Variants in C3orf20 observed in about 807,000 individuals in gnomAD.
C3orf20 encodes family with sequence similarity 149 member C.
A neutral mutation model predicts 88.3 loss-of-function variants in C3orf20; 76 were observed. The observed-to-expected ratio is 0.86, with a 90% CI of 0.72 to 1.04. C3orf20 has a LOEUF of 1.04. C3orf20 is among the 50% of genes least tolerant of loss of function. The pLI is 0.00. For synonymous variants in C3orf20, 436 were observed against 437.4 expected (o/e 1.00, Z 0.04); for missense variants, 1,056 against 1,123.3 (o/e 0.94, Z 0.86).
In C3orf20 at chr3:14,772,922, C is replaced by A; in HGVS notation, c.*47C>A. 2 of 1,487,432 alleles carry A rather than the reference C, an allele frequency of 1.3e-6. No individual in the cohort carries two copies. The highest frequency in any genetic ancestry group is 1.9e-6 in the Non-Finnish European group (2 of 1,066,950). The allele number at this position is 1,487,432 out of a possible 1,614,324, so 92.1% of individuals were successfully genotyped here. A position where few individuals can be genotyped will look rare whatever the true frequency, so the allele number is the denominator to read the frequency against. ...GTGAGCCAGGCCCCGGCCCGGGGTGCTGGGGCTTCTTGCCAGCCCAGCCCT... is the reference window on the plus strand; with the variant it reads ...GTGAGCCAGGCCCCGGCCCGGGGTGATGGGGCTTCTTGCCAGCCCAGCCCT... On this transcript the variant is annotated 3_prime_UTR_variant, in exon 17 of 17. Transcript: ENST00000253697. The surrounding 1 kb of genome is among the most constrained non-coding windows in gnomAD (Gnocchi z 4.2).
chr3:14,770,406 C>T (rs1248627866), intron 15 of C3orf20, among the ~76,000 whole-genome samples: 1 of 152,160 alleles, frequency 6.6e-6, no homozygotes, highest in Non-Finnish European at 1.5e-5. Context: ...GGCTGTGTCT[C>T]CTCTTGTCTC....
intron 15 of C3orf20, among the ~76,000 whole-genome samples, chr3:14,770,231 T>C (rs1036393204): frequency 6.6e-6 from 1 of 152,192 alleles, no homozygotes; most frequent in Non-Finnish European, 1.5e-5. Context: ...AAGGGTCAGC[T>C]TAGTTTAGTG....
chr3:14,694,841 A>C (rs2032914689), intron 5 of C3orf20, among the ~76,000 whole-genome samples: 1 of 151,746 alleles, frequency 6.6e-6, no homozygotes, highest in Non-Finnish European at 1.5e-5. Flanking sequence ...CCCAGGCTGG[A>C]GTGCAGTGGT....
rs1575144215 is a variant in C3orf20 at position 14,741,727 on chromosome 3, G to T, written c.1940+13039G>T. 2.0e-5 allele frequency among the ~76,000 whole-genome samples: 3 copies of T among 152,214 alleles called. No individual in the cohort carries two copies. In the East Asian group the frequency reaches 5.8e-4, roughly 29 times the overall value. On this transcript the variant is annotated intron_variant, in intron 12 of 16. Transcript: ENST00000253697. ...CAGCTCTGGCGGTGTTACAGCTCTGGCAGTGTTACAGCTCTGTGACTGCTC... is the reference window on the plus strand; with the variant it reads ...CAGCTCTGGCGGTGTTACAGCTCTGTCAGTGTTACAGCTCTGTGACTGCTC...
chr3:14,722,026 A>G (rs778216058), intron 10 of C3orf20: 5 of 471,074 alleles, frequency 1.1e-5, no homozygotes, highest in African/African-American at 1.9e-5. Context: ...TTAAGCATGA[A>G]AAAAGAATAT....
At chr3:14,755,064 G>A (rs1309603267) in intron 12 of C3orf20, among the ~76,000 whole-genome samples, 1 of 152,044 alleles carries the variant, frequency 6.6e-6, no homozygotes, top group East Asian at 1.9e-4. Flanking sequence ...ATTCTTTTCT[G>A]TGAATTATTT....
chr3:14,757,629 T>G lies in C3orf20; in HGVS notation c.2199T>G (p.Thr733=), dbSNP rs2035417350. ...GGCAGCTCCAGTGGCTGCTGAACAC[T>G]CTCTACAACCACCAGCAGCGGGGCC... is the stretch of plus-strand genomic sequence containing the variant. ...STGQLQWLLN[T]LYNHQQRGRG... Residue 733 remains threonine, a synonymous_variant, in exon 13 of 17, where the codon ACT becomes ACG. Coordinates refer to ENST00000253697, the MANE Select transcript of C3orf20 (RefSeq NM_032137.5). The G allele has an allele frequency of 2.5e-6, 4 of 1,613,164 alleles. No homozygotes were observed. Among genetic ancestry groups the G allele is most frequent in the Non-Finnish European group, 3.4e-6 (4 of 1,179,696 alleles).
In C3orf20 at chr3:14,772,302, G is replaced by A. The variant is rs1438691738; in HGVS notation, c.2630+101G>A. 2.7e-6 allele frequency: 4 copies of A among 1,469,938 alleles called. No individual in the cohort carries two copies. Among genetic ancestry groups the A allele is most frequent in the Non-Finnish European group, 3.8e-6 (4 of 1,065,916 alleles). 91.1% of individuals were successfully genotyped at this position (1,469,938 alleles called of 1,614,324 possible). On this transcript the variant is annotated intron_variant, in intron 16 of 16. Transcript: ENST00000253697. This position sits in a 1 kb window ranked among gnomAD's most constrained non-coding sequence, Gnocchi z 4.2. Reference sequence around the variant, plus strand: ...GTCACTACCCCCAGGCGTGGCCTGGGTCATGTCCAACCATCGCTGACATCT... The same window carrying A: ...GTCACTACCCCCAGGCGTGGCCTGGATCATGTCCAACCATCGCTGACATCT...
chr3:14,682,101 T>G (rs1291121877), intron 1 of C3orf20, 69 bp from the exon 2 acceptor site: 1 of 152,256 alleles, frequency 6.6e-6, no homozygotes, highest in Admixed American at 6.5e-5. Context: ...TTTGATGAAA[T>G]TTGGCAAATT....
chr3:14,708,792 C>T (rs1457624935), intron 7 of C3orf20, among the ~76,000 whole-genome samples: 2 of 151,992 alleles, frequency 1.3e-5, no homozygotes, highest in Non-Finnish European at 2.9e-5. Context: ...TACAGGTGTG[C>T]GCCACCATAC....
chr3:14,713,804 GA>G (rs965290600), intron 7 of C3orf20, among the ~76,000 whole-genome samples: 4 of 152,352 alleles, frequency 2.6e-5, no homozygotes, highest in African/African-American at 9.6e-5. Flanking sequence ...TGAGAAAATA[GA>G]AGATACAGAA....
chr3:14,725,796 A>G (rs1396266391), intron 10 of C3orf20, among the ~76,000 whole-genome samples: 3 of 150,828 alleles, frequency 2.0e-5, no homozygotes, highest in Admixed American at 1.3e-4. Context: ...TACCTTCTCT[A>G]TGTTACGTGG....
intron 15 of C3orf20, among the ~76,000 whole-genome samples, chr3:14,763,497 C>G (rs1022063318): frequency 3.1e-4 from 47 of 152,248 alleles, no homozygotes; most frequent in African/African-American, 1.1e-3. Context: ...AGCTCTGCCT[C>G]CCAACACCAT....
chr3:14,714,193 A>G, intron 8 of C3orf20, 34 bp downstream of exon 8: 1 of 1,608,700 alleles, frequency 6.2e-7, no homozygotes, highest in East Asian at 2.2e-5. Flanking sequence ...GTCACACGGA[A>G]GTACCTCTGA....
chr3:14,705,788 A>T (rs1043476142), intron 7 of C3orf20, among the ~76,000 whole-genome samples: 2 of 152,142 alleles, frequency 1.3e-5, no homozygotes, highest in Non-Finnish European at 2.9e-5. Flanking sequence ...AAACACAGTC[A>T]TTTGTTTCTG....
Position 14,682,669 on chromosome 3 carries a change from C to G in C3orf20, c.-45C>G. On this transcript the variant is annotated 5_prime_UTR_variant, in exon 3 of 17. Coordinates refer to ENST00000253697, the MANE Select transcript of C3orf20 (RefSeq NM_032137.5). ...CACCGTAGGGAAGAACTTTTGCTCT[C>G]AGTCACCTCTCAGAGAGCTCTCTTT... The G allele has an allele frequency of 6.4e-7, 1 of 1,552,752 alleles. No homozygotes were observed. The highest frequency in any genetic ancestry group is 8.7e-7 in the Non-Finnish European group (1 of 1,151,330).
chr3:14,705,547 T>C (rs904739592), intron 7 of C3orf20, among the ~76,000 whole-genome samples: 12 of 152,318 alleles, frequency 7.9e-5, no homozygotes, highest in Non-Finnish European at 1.8e-4. Context: ...AGTTTGAATT[T>C]GGGTGGTAAA....
At chr3:14,714,218 G>A in intron 8 of C3orf20, 59 bp downstream of exon 8, 4 of 1,575,102 alleles carry the variant, frequency 2.5e-6, no homozygotes, top group Admixed American at 1.7e-5. Context: ...GATGGAGGGA[G>A]GACTGAGGTG....
chr3:14,756,041 A>G (rs2035357834), intron 12 of C3orf20, among the ~76,000 whole-genome samples: 2 of 150,612 alleles, frequency 1.3e-5, no homozygotes, highest in Admixed American at 1.3e-4. Context: ...AAAAAAAAAA[A>G]AAAAAAGAAA....
Sources: gnomAD v4.1 joint callset for allele counts (sites outside exome capture counted in the v4.1 genomes callset) on GRCh38, gnomAD v4.1.1 for gene constraint, Gnocchi (gnomAD v3.1) non-coding constraint, MANE v1.5 for transcripts, NCBI Gene and HGNC (gene_info 2026-07-23, HGNC 2026-07-21) for gene names.